Variants in PRAG1 observed in about 807,000 individuals in gnomAD.
The protein encoded by PRAG1 is PEAK1 related, kinase-activating pseudokinase 1, also known as inactive tyrosine-protein kinase PRAG1.
PRAG1 carries 110 observed loss-of-function variants against 95.6 expected under a neutral mutation model. That is an observed-to-expected ratio of 1.15 (90% confidence interval 0.99 to 1.35). The LOEUF (loss-of-function observed/expected upper bound fraction) is 1.35, where lower values mean the gene tolerates loss of function less well. Ranked by LOEUF, PRAG1 falls within the 40% of genes most tolerant of loss-of-function variation. The pLI, the probability that PRAG1 is intolerant of heterozygous loss-of-function variation, is 0.00. For synonymous variants in PRAG1, 1,052 were observed against 819.4 expected (o/e 1.28, Z -4.85); for missense variants, 2,554 against 1,864.7 (o/e 1.37, Z -6.81).
At position 8,378,082 on chromosome 8, in the gene PRAG1, C is replaced by T; in HGVS notation, c.331-4G>A. Reference sequence around the variant, plus strand: ...CAGGGGCTCGTCTCCAGATGACCTACACACAAGCCCAACGCAAAAAGACTT... The same window carrying T: ...CAGGGGCTCGTCTCCAGATGACCTATACACAAGCCCAACGCAAAAAGACTT... On this transcript the variant is annotated splice_polypyrimidine_tract_variant and splice_region_variant and intron_variant, in intron 2 of 5. Transcript: ENST00000615670. 2 of 1,519,114 alleles carry T rather than the reference C, an allele frequency of 1.3e-6. No individual in the cohort carries two copies. Among genetic ancestry groups the T allele is most frequent in the South Asian group, 1.3e-5 (1 of 75,764 alleles). The allele number at this position is 1,519,114 out of a possible 1,614,324, so 94.1% of individuals were successfully genotyped here.
rs1193357745 is a variant in PRAG1 at position 8,318,924 on chromosome 8, G to A, written c.3451C>T (p.Leu1151=). The change falls in exon 6 of 6, where the codon CTG becomes TTG. Residue 1151 remains leucine, a synonymous_variant. Coordinates refer to ENST00000615670, the MANE Select transcript of PRAG1 (RefSeq NM_001080826.3). The surrounding 1 kb of genome is among the most constrained non-coding windows in gnomAD (Gnocchi z 4.2). Reference sequence around the variant, plus strand: ...TGGAGGGTGCAGTGCACCAGCAGCAGGTTCTCCAGGCACAGGTCCCGGTGG... The same window carrying A: ...TGGAGGGTGCAGTGCACCAGCAGCAAGTTCTCCAGGCACAGGTCCCGGTGG... ...IIHRDLCLEN[L]LLVHCTLQAG... 1.9e-6 allele frequency: 3 copies of A among 1,610,328 alleles called. No individual in the cohort carries two copies. Among genetic ancestry groups the A allele is most frequent in the African/African-American group, 1.3e-5 (1 of 74,780 alleles).
At chr8:8,379,180 G>C (rs1038548679) in intron 2 of PRAG1, among the ~76,000 whole-genome samples, 1 of 152,096 alleles carries the variant, frequency 6.6e-6, no homozygotes, top group African/African-American at 2.4e-5. Flanking sequence ...GGGCTTCCTC[G>C]CTTCTTTCTG....
chr8:8,321,665 G>A (rs1798475312), intron 5 of PRAG1, among the ~76,000 whole-genome samples: 1 of 152,170 alleles, frequency 6.6e-6, no homozygotes, highest in Admixed American at 6.5e-5. Context: ...GGAGGAAACT[G>A]GGGCTTCCAG....
At chr8:8,380,938 A>G (rs1157674498) in intron 2 of PRAG1, among the ~76,000 whole-genome samples, 1 of 151,094 alleles carries the variant, frequency 6.6e-6, no homozygotes, top group Non-Finnish European at 1.5e-5. Flanking sequence ...TTTGAAAGGT[A>G]TTTATTGAAA....
intron 1 of PRAG1, among the ~76,000 whole-genome samples, chr8:8,383,572 A>C (rs916216594): frequency 1.3e-5 from 2 of 152,002 alleles, no homozygotes; most frequent in African/African-American, 4.8e-5. Flanking sequence ...CTAGAGTGAG[A>C]CCCTGTCTAA....
chr8:8,335,991 A>G (rs1798971547), intron 4 of PRAG1, among the ~76,000 whole-genome samples: 1 of 152,218 alleles, frequency 6.6e-6, no homozygotes, highest in Non-Finnish European at 1.5e-5. Context: ...AAACAAGCTG[A>G]CTGACTACTG....
chr8:8,341,966 A>G (rs531730093), intron 3 of PRAG1, among the ~76,000 whole-genome samples: 21 of 152,018 alleles, frequency 1.4e-4, no homozygotes, highest in South Asian at 8.3e-4. Flanking sequence ...CCCCATCTCT[A>G]CTAATCATAC....
At chr8:8,336,952 T>G (rs1799007530) in intron 4 of PRAG1, among the ~76,000 whole-genome samples, 1 of 133,096 alleles carries the variant, frequency 7.5e-6, no homozygotes. Flanking sequence ...ATCACTAACT[T>G]TAGCCATTAA....
Position 8,327,812 on chromosome 8 carries a change from C to T in PRAG1, c.2970G>A (p.Ser990=), listed in dbSNP as rs750330082. ...KELHFNENNW[S]LFKLTCNKPC... ...GCTTGTTACAAGTCAGCTTGAAGAG[C>T]GACCAGTTATTCTCATTGAAGTGGA... is the stretch of plus-strand genomic sequence containing the variant. Residue 990 remains serine, a synonymous_variant, in exon 5 of 6, where the codon TCG becomes TCA. Transcript: ENST00000615670. The T allele has an allele frequency of 4.6e-5, 74 of 1,614,082 alleles. No homozygotes were observed. Among genetic ancestry groups the T allele is most frequent in the Non-Finnish European group, 5.1e-5 (60 of 1,180,052 alleles).
intron 2 of PRAG1, among the ~76,000 whole-genome samples, chr8:8,380,100 A>G (rs147476158): frequency 6.6e-6 from 1 of 151,960 alleles, no homozygotes; most frequent in Admixed American, 6.6e-5. Context: ...ACCAAAAAAC[A>G]AAAACAAAAA....
At chr8:8,350,604 G>GCTA (rs1239279369) in intron 3 of PRAG1, among the ~76,000 whole-genome samples, 3 of 152,202 alleles carry the variant, frequency 2.0e-5, no homozygotes, top group Non-Finnish European at 4.4e-5. Flanking sequence ...GAACAATGAT[G>GCTA]CTAGCAGTTG....
chr8:8,363,417 A>T lies in PRAG1; in HGVS notation c.2162+12830T>A, dbSNP rs1799908433. On this transcript the variant is annotated intron_variant, in intron 3 of 5. Transcript: ENST00000615670. ...GGAAGGAAATTCTGACACATGCTAC[A>T]AGATGGATGAAACTTGAGAACATTA... 2.0e-5 allele frequency among the ~76,000 whole-genome samples: 3 copies of T among 152,216 alleles called. No homozygotes were observed. The South Asian group carries it at 6.2e-4, about 31-fold the overall frequency.
At chr8:8,326,507 G>C (rs1798642359) in intron 5 of PRAG1, among the ~76,000 whole-genome samples, 1 of 152,066 alleles carries the variant, frequency 6.6e-6, no homozygotes, top group South Asian at 2.1e-4. Context: ...AGGTAATCAA[G>C]GAACAGCAAA....
chr8:8,333,842 T>C (rs1406088360), intron 4 of PRAG1, among the ~76,000 whole-genome samples: 1 of 152,226 alleles, frequency 6.6e-6, no homozygotes, highest in Non-Finnish European at 1.5e-5. Flanking sequence ...GCAAGTGGAA[T>C]ATGGATGGAG....
chr8:8,318,577 G>T lies in PRAG1; in HGVS notation c.3798C>A (p.His1266Gln). Residue 1266 changes from histidine to glutamine, a missense_variant, in exon 6 of 6, where the codon CAC (histidine) becomes CAA (glutamine). Transcript: ENST00000615670. This position sits in a 1 kb window ranked among gnomAD's most constrained non-coding sequence, Gnocchi z 4.2. ...QTGILIYELL[H>Q]QPNPFEVRAQ... The stretch of plus-strand genomic sequence containing the variant: ...CGCGCACCTCGAACGGGTTGGGTTG[G>T]TGCAGCAGCTCGTAGATGAGGATGC... The T allele has an allele frequency of 6.2e-7, 1 of 1,613,686 alleles. No individual in the cohort carries two copies. Among genetic ancestry groups the T allele is most frequent in the South Asian group, 1.1e-5 (1 of 91,062 alleles).
At chr8:8,345,071 G>T (rs991997647) in intron 3 of PRAG1, among the ~76,000 whole-genome samples, 2 of 151,466 alleles carry the variant, frequency 1.3e-5, no homozygotes, top group Non-Finnish European at 3.0e-5. Flanking sequence ...GTGTGTGTGT[G>T]TGTGTGTGTG....
chr8:8,318,570 T>C lies in PRAG1; in HGVS notation c.3805A>G (p.Asn1269Asp), dbSNP rs777790893. The C allele has an allele frequency of 5.0e-6, 8 of 1,613,280 alleles. No individual in the cohort carries two copies. In the South Asian group the frequency reaches 5.5e-5, roughly 11 times the overall value. The change falls in exon 6 of 6, where the codon AAC becomes GAC. Residue 1269 changes from asparagine to aspartate, a missense_variant. By Grantham distance (23) the Asn-to-Asp change is conservative. Transcript: ENST00000615670. This position sits in a 1 kb window ranked among gnomAD's most constrained non-coding sequence, Gnocchi z 4.2. ...AGCTGGGCGCGCACCTCGAACGGGT[T>C]GGGTTGGTGCAGCAGCTCGTAGATG... ...ILIYELLHQP[N>D]PFEVRAQLRE...
intron 3 of PRAG1, among the ~76,000 whole-genome samples, chr8:8,345,367 C>CA (rs202100503): frequency 0.32 from 25,649 of 79,024 alleles, 2,819 homozygotes; most frequent in African/African-American, 0.41. Flanking sequence ...CCTGTCTCTA[C>CA]AAAAAAAAAA....
intron 3 of PRAG1, among the ~76,000 whole-genome samples, chr8:8,343,486 A>G (rs1799236805): frequency 6.6e-6 from 1 of 151,852 alleles, no homozygotes; most frequent in South Asian, 2.1e-4. Context: ...AACAAAACAG[A>G]ACAGAACAGA....
Sources: allele counts gnomAD v4.1 joint callset (sites outside exome capture counted in the v4.1 genomes callset), GRCh38; gene constraint gnomAD v4.1.1; non-coding constraint Gnocchi (gnomAD v3.1); transcripts MANE v1.5; gene names NCBI Gene and HGNC (gene_info 2026-07-23, HGNC 2026-07-21).